The following ARMH3 variants were observed in gnomAD, a reference collection of about 807,000 sequenced individuals.
ARMH3 encodes the protein armadillo like helical domain containing 3, also known as armadillo-like helical domain-containing protein 3.
In ARMH3, 60 loss-of-function variants were observed where a neutral mutation model predicts 99.1. The observed-to-expected ratio is 0.61, with a 90% CI of 0.49 to 0.75. The LOEUF is 0.75. Ranked by LOEUF, ARMH3 falls within the 30% of genes least tolerant of loss-of-function variation. The pLI is 0.00. For synonymous variants in ARMH3, 285 were observed against 292.8 expected (o/e 0.97, Z 0.27); for missense variants, 679 against 843.1 (o/e 0.81, Z 2.41).
Position 102,000,794 on chromosome 10 carries a change from C to T in ARMH3, c.1150+1177G>A, listed in dbSNP as rs1429498582. On this transcript the variant is annotated intron_variant, in intron 15 of 25. Transcript: ENST00000370033. Reference sequence around the variant, plus strand: ...TCAAAAAACAGAAAAATAAAAAGTTCTAGAGATGGATGGTGATGATAGTTT... The same window carrying T: ...TCAAAAAACAGAAAAATAAAAAGTTTTAGAGATGGATGGTGATGATAGTTT... Among the ~76,000 whole-genome samples, 5 of 151,150 alleles carry T rather than the reference C, an allele frequency of 3.3e-5. No individual in the cohort carries two copies. The Admixed American group carries it at 3.3e-4, about 10-fold the overall frequency.
At chr10:101,892,679 A>T (rs1419558880) in intron 23 of ARMH3, among the ~76,000 whole-genome samples, 1 of 152,228 alleles carries the variant, frequency 6.6e-6, no homozygotes, top group South Asian at 2.1e-4. Flanking sequence ...GCAGCCATAT[A>T]AGAAATATTT....
At chr10:102,034,015 C>A (rs1477808218) in intron 2 of ARMH3, among the ~76,000 whole-genome samples, 4 of 152,066 alleles carry the variant, frequency 2.6e-5, no homozygotes, top group African/African-American at 9.7e-5. Context: ...ATCCAGTGAG[C>A]CAGGAAGGAC....
intron 19 of ARMH3, among the ~76,000 whole-genome samples, chr10:101,976,383 ATCTCTCTCTCTCTC>A (rs542700143): frequency 2.3e-5 from 3 of 131,378 alleles, no homozygotes; most frequent in Non-Finnish European, 4.9e-5. Context: ...AGATTAATCA[ATCTCTCTCTCTCTC>A]TCTCTCTCTC....
intron 19 of ARMH3, among the ~76,000 whole-genome samples, chr10:101,980,898 T>C (rs1208382211): frequency 3.3e-5 from 5 of 152,182 alleles, no homozygotes; most frequent in Non-Finnish European, 7.3e-5. Flanking sequence ...AATGAGATCA[T>C]GTCCTTTGCA....
intron 22 of ARMH3, among the ~76,000 whole-genome samples, chr10:101,943,892 G>A (rs543819828): frequency 2.8e-4 from 43 of 151,398 alleles, no homozygotes; most frequent in African/African-American, 6.3e-4. Flanking sequence ...GTGAAACTCC[G>A]TCTCTACTAA....
At chr10:101,990,192 TTTTTTTC>T (rs1178057058) in intron 19 of ARMH3, among the ~76,000 whole-genome samples, 2 of 150,032 alleles carry the variant, frequency 1.3e-5, no homozygotes, top group African/African-American at 2.4e-5. Context: ...TTTTTTTTTT[TTTTTTTC>T]CCAGACAGAG....
intron 20 of ARMH3, among the ~76,000 whole-genome samples, chr10:101,974,401 C>G (rs931917954): frequency 2.4e-4 from 36 of 152,128 alleles, no homozygotes; most frequent in Non-Finnish European, 4.4e-5. Flanking sequence ...GGTGGGCAAC[C>G]CTTCATCACT....
At chr10:101,867,247 G>A (rs531478697) in intron 24 of ARMH3, among the ~76,000 whole-genome samples, 2 of 152,304 alleles carry the variant, frequency 1.3e-5, no homozygotes, top group South Asian at 4.1e-4. Context: ...CATTGATTCT[G>A]TCTCTGAAAT....
intron 1 of ARMH3, among the ~76,000 whole-genome samples, chr10:102,050,508 T>C (rs1170770139): frequency 6.6e-6 from 1 of 151,900 alleles, no homozygotes; most frequent in Non-Finnish European, 1.5e-5. Flanking sequence ...TCAGTTAAAG[T>C]TACACTTCTA....
intron 23 of ARMH3, among the ~76,000 whole-genome samples, chr10:101,901,020 C>A (rs144335361): frequency 6.6e-6 from 1 of 151,502 alleles, no homozygotes; most frequent in Non-Finnish European, 1.5e-5. Context: ...GGATCACATG[C>A]TAGACTGAGG....
intron 24 of ARMH3, among the ~76,000 whole-genome samples, chr10:101,882,216 G>A (rs2067437568): frequency 1.3e-5 from 2 of 152,176 alleles, no homozygotes; most frequent in African/African-American, 4.8e-5. Flanking sequence ...AATTGGTCAG[G>A]AATGTGACTG....
At chr10:101,997,069 A>T (rs996675030) in intron 15 of ARMH3, among the ~76,000 whole-genome samples, 4 of 151,998 alleles carry the variant, frequency 2.6e-5, no homozygotes, top group Admixed American at 2.6e-4. Context: ...GTTGGAGACA[A>T]GCTTGGCCAA....
At chr10:101,936,858 C>A (rs1844002945) in intron 23 of ARMH3, among the ~76,000 whole-genome samples, 1 of 152,176 alleles carries the variant, frequency 6.6e-6, no homozygotes, top group African/African-American at 2.4e-5. Flanking sequence ...CATGCTACAA[C>A]AGGAATGAAC....
intron 5 of ARMH3, chr10:102,029,435 A>G (rs1211531793): frequency 2.6e-6 from 4 of 1,539,064 alleles, no homozygotes; most frequent in Non-Finnish European, 3.5e-6. Flanking sequence ...GGGAAAGAAT[A>G]CCTCCATTCA....
chr10:101,994,439 A>G (rs1457854850), intron 16 of ARMH3, among the ~76,000 whole-genome samples: 3 of 152,054 alleles, frequency 2.0e-5, no homozygotes, highest in Non-Finnish European at 4.4e-5. Context: ...TATCTTCACC[A>G]TTTTTCTTAA....
chr10:101,905,686 T>A (rs951682772), intron 23 of ARMH3, among the ~76,000 whole-genome samples: 1 of 152,150 alleles, frequency 6.6e-6, no homozygotes, highest in African/African-American at 2.4e-5. Context: ...GCTAGAAAGG[T>A]AGGTTGGGAT....
intron 22 of ARMH3, among the ~76,000 whole-genome samples, chr10:101,941,546 G>A (rs1279363207): frequency 6.6e-6 from 1 of 152,302 alleles, no homozygotes; most frequent in East Asian, 1.9e-4. Context: ...TGTGATGGGG[G>A]AAAGAAAGCT....
At chr10:101,970,847 T>A (rs1845734987) in intron 20 of ARMH3, among the ~76,000 whole-genome samples, 1 of 151,362 alleles carries the variant, frequency 6.6e-6, no homozygotes, top group African/African-American at 2.4e-5. Flanking sequence ...AGCAGTCTGC[T>A]GGAGATGTAA....
intron 1 of ARMH3, among the ~76,000 whole-genome samples, chr10:102,040,996 A>G (rs2067397096): frequency 6.6e-6 from 1 of 151,482 alleles, no homozygotes; most frequent in African/African-American, 2.4e-5. Context: ...GGCAGAAAAT[A>G]GCAGCTAAGA....
Sources: gnomAD v4.1 joint callset for allele counts (sites outside exome capture counted in the v4.1 genomes callset) on GRCh38, gnomAD v4.1.1 for gene constraint, MANE v1.5 for transcripts, NCBI Gene and HGNC (gene_info 2026-07-23, HGNC 2026-07-21) for gene names.